Variants in ZFHX3 observed in about 807,000 individuals in gnomAD.
ZFHX3 encodes zinc finger homeobox 3.
ZFHX3 carries 42 observed loss-of-function variants against 279.1 expected under a neutral mutation model. The ratio of observed to expected loss-of-function variants is 0.15; its 90% CI spans 0.12 to 0.19. The LOEUF (loss-of-function observed/expected upper bound fraction) is 0.19. Among genes scored for constraint, ZFHX3 ranks in the 10% least tolerant of loss-of-function variants. The pLI is 1.00. For synonymous variants in ZFHX3, 2,293 were observed against 1,957.8 expected, an observed-to-expected ratio of 1.17 and a Z score of -4.52; for missense variants, 4,981 against 4,754.0, an observed-to-expected ratio of 1.05 and a Z score of -1.40.
At chr16:73,513,365 C>T (rs825827) in intron 2 of ZFHX3, among the ~76,000 whole-genome samples, 1 of 151,962 alleles carries the variant, frequency 6.6e-6, no homozygotes, top group Non-Finnish European at 1.5e-5. Flanking sequence ...GCCTGAGAAG[C>T]TCCAGAACAG....
intron 2 of ZFHX3, among the ~76,000 whole-genome samples, chr16:73,524,902 GCTTGAGCAATTAAACAGAAGCTCTT>G (rs2019666542): frequency 6.6e-6 from 1 of 152,184 alleles, no homozygotes; most frequent in Non-Finnish European, 1.5e-5. Flanking sequence ...GGGCCAGTAT[GCTTGAGCAATTAAACAGAAGCTCTT>G]CTCATTGTCC....
intron 2 of ZFHX3, among the ~76,000 whole-genome samples, chr16:73,493,314 G>T (rs2019084825): frequency 6.6e-6 from 1 of 152,136 alleles, no homozygotes; most frequent in Admixed American, 6.5e-5. Context: ...TGAACTGACA[G>T]ATTTTTCTCA....
At chr16:72,833,140 T>C (rs927791992) in intron 4 of ZFHX3, among the ~76,000 whole-genome samples, 2 of 152,180 alleles carry the variant, frequency 1.3e-5, no homozygotes, top group African/African-American at 4.8e-5. Context: ...GAGCCAGGCC[T>C]GGGGAAGGGC....
At chr16:72,997,119 C>T (rs1963324735) in intron 1 of ZFHX3, among the ~76,000 whole-genome samples, 1 of 152,202 alleles carries the variant, frequency 6.6e-6, no homozygotes, top group South Asian at 2.1e-4. Context: ...TCTAACTTTT[C>T]TATAAGGGCA....
At chr16:73,803,104 A>G (rs1960185086) in intron 1 of ZFHX3, among the ~76,000 whole-genome samples, 1 of 152,230 alleles carries the variant, frequency 6.6e-6, no homozygotes, top group Non-Finnish European at 1.5e-5. Flanking sequence ...CCAGGACAGC[A>G]TTATTATTTC....
intron 8 of ZFHX3, among the ~76,000 whole-genome samples, chr16:73,085,511 G>A (rs1006309231): frequency 1.3e-5 from 2 of 152,122 alleles, no homozygotes; most frequent in Non-Finnish European, 1.5e-5. Context: ...CTCCCAAAGT[G>A]CTGAGATTAC....
At chr16:73,040,467 C>T (rs1965069822) in intron 1 of ZFHX3, among the ~76,000 whole-genome samples, 1 of 152,118 alleles carries the variant, frequency 6.6e-6, no homozygotes, top group Non-Finnish European at 1.5e-5. Context: ...CATACACAAG[C>T]CAGCCGGGGA....
chr16:72,947,292 C>T (rs1596998282), intron 3 of ZFHX3, among the ~76,000 whole-genome samples: 1 of 150,318 alleles, frequency 6.7e-6, no homozygotes, highest in Admixed American at 6.6e-5. Flanking sequence ...TAGTATCACA[C>T]AAAAATCAAA....
rs184647639 is a variant in ZFHX3, at chr16:73,714,137, T to A, written c.-1607-33897A>T. 1.6e-4 allele frequency among the ~76,000 whole-genome samples: 25 copies of A among 152,292 alleles called. 1 individual carries two copies. The highest frequency in any genetic ancestry group is 1.5e-3 in the Admixed American group (23 of 15,298). On this transcript the variant is annotated intron_variant, in intron 1 of 17. Coordinates refer to the ZFHX3 transcript ENST00000641206. ...ATGCTCAGTATTAATTATTAACAAC[T>A]GGGAGCATGCTGCTTGGGTGACCCA...
At position 73,238,899 on chromosome 16, in the gene ZFHX3, G is replaced by C. The variant is rs778817643; in HGVS notation, c.-1104+18148C>G. On this transcript the variant is annotated intron_variant, in intron 5 of 17. Coordinates refer to the ZFHX3 transcript ENST00000641206. Reference sequence around the variant, plus strand: ...CAACTCCTCCTCCCCTTTCAAGACTGTTCCAGCAAGAAGCATTTCTCCCCC... The same window carrying C: ...CAACTCCTCCTCCCCTTTCAAGACTCTTCCAGCAAGAAGCATTTCTCCCCC... Among the ~76,000 whole-genome samples, 58 of 152,200 alleles carry C rather than the reference G, an allele frequency of 3.8e-4. 1 individual carries two copies. The highest frequency in any genetic ancestry group is 7.2e-4 in the Non-Finnish European group (49 of 68,012).
rs987281020 is a variant in ZFHX3, at chr16:73,720,488, T to C, written c.-1607-40248A>G. Among the ~76,000 whole-genome samples the C allele has an allele frequency of 7.2e-5, 11 of 152,246 alleles. No homozygotes were observed. The South Asian group carries it at 1.2e-3, about 17-fold the overall frequency. Reference sequence around the variant, plus strand: ...GGTCCATTCATATGATAAAATGTCATGTAGCCCTTTTAAATCATGCTTTTA... The same window carrying C: ...GGTCCATTCATATGATAAAATGTCACGTAGCCCTTTTAAATCATGCTTTTA... On this transcript the variant is annotated intron_variant, in intron 1 of 17. Transcript: ENST00000641206.
chr16:73,317,341 T>A (rs2015474411), intron 4 of ZFHX3, among the ~76,000 whole-genome samples: 1 of 152,130 alleles, frequency 6.6e-6, no homozygotes, highest in Admixed American at 6.6e-5. Context: ...TTAATCTTGC[T>A]TTCTTCCCAC....
intron 5 of ZFHX3, 96 bp downstream of exon 5, chr16:72,829,683 C>T (rs2037018658): frequency 7.1e-7 from 1 of 1,414,514 alleles, no homozygotes; most frequent in African/African-American, 1.4e-5. Flanking sequence ...TATCCGCTCC[C>T]TGACTTGTTA....
intron 3 of ZFHX3, chr16:73,421,001 T>G (rs965366614): frequency 2.0e-5 from 3 of 152,262 alleles, no homozygotes; most frequent in African/African-American, 7.2e-5. Context: ...TAACGTAGTA[T>G]AAACAGAACA....
At chr16:72,956,883 T>C (rs1259422285) in intron 2 of ZFHX3, among the ~76,000 whole-genome samples, 4 of 151,706 alleles carry the variant, frequency 2.6e-5, no homozygotes, top group Non-Finnish European at 4.4e-5. Context: ...ACAGAGAACT[T>C]TGAGAAGTCT....
chr16:72,821,845 TTTC>T (rs1448165163), intron 5 of ZFHX3: 1 of 152,200 alleles, frequency 6.6e-6, no homozygotes, highest in Admixed American at 6.5e-5. Context: ...GTTGCTATGG[TTTC>T]TTTTTTAGAA....
At chr16:72,899,597 A>T (rs956140893) in intron 3 of ZFHX3, among the ~76,000 whole-genome samples, 5 of 152,100 alleles carry the variant, frequency 3.3e-5, no homozygotes, top group African/African-American at 1.2e-4. Context: ...TCCACGTCAA[A>T]CTGTTGCCAA....
intron 5 of ZFHX3, among the ~76,000 whole-genome samples, chr16:73,219,551 C>T (rs1241630451): frequency 6.6e-6 from 1 of 152,210 alleles, no homozygotes; most frequent in Admixed American, 6.5e-5. Context: ...ACAGTCAAAG[C>T]CCTGTTGCAT....
intron 1 of ZFHX3, among the ~76,000 whole-genome samples, chr16:73,837,312 T>C (rs1416360041): frequency 6.6e-6 from 1 of 152,242 alleles, no homozygotes; most frequent in Non-Finnish European, 1.5e-5. Flanking sequence ...CCCAAATTTC[T>C]ATTTAATTTC....
Sources: allele counts gnomAD v4.1 joint callset (sites outside exome capture counted in the v4.1 genomes callset), GRCh38; gene constraint gnomAD v4.1.1; transcripts MANE v1.5; gene names NCBI Gene and HGNC (gene_info 2026-07-23, HGNC 2026-07-21).